HNF4A: variants seen among roughly 807,000 people sequenced by gnomAD.
HNF4A encodes the protein hepatocyte nuclear factor 4 alpha.
In HNF4A, 15 loss-of-function variants were observed where a neutral mutation model predicts 52.4. That is an observed-to-expected ratio of 0.29 (90% CI 0.19 to 0.44). The LOEUF is 0.44. Ranked by LOEUF, HNF4A falls within the 20% of genes least tolerant of loss-of-function variation. HNF4A has a pLI of 1.00. For synonymous variants in HNF4A, 280 were observed against 264.4 expected (o/e 1.06, Z -0.57); for missense variants, 479 against 647.2 (o/e 0.74, Z 2.82).
upstream of HNF4A, chr20:44,401,115 A>G: frequency 1.4e-6 from 1 of 737,508 alleles, no homozygotes; most frequent in East Asian, 1.3e-4. Flanking sequence ...GAAACCAACA[A>G]ACAGCCAAAT....
intron 1 of HNF4A, 78 bp downstream of exon 1, chr20:44,355,931 GT>G: frequency 7.9e-7 from 1 of 1,267,204 alleles, no homozygotes; most frequent in Non-Finnish European, 1.1e-6. Context: ...CTCCCCGTGT[GT>G]TTCTTACGGG....
chr20:44,358,790 G>T (rs2062887157), intron 1 of HNF4A, among the ~76,000 whole-genome samples: 1 of 152,168 alleles, frequency 6.6e-6, no homozygotes, highest in Non-Finnish European at 1.5e-5. Context: ...TGGCTGTTGT[G>T]AGGATCAAAT....
chr20:44,366,587 C>G, intron 1 of HNF4A, among the ~76,000 whole-genome samples: 1 of 152,104 alleles, frequency 6.6e-6, no homozygotes, highest in Non-Finnish European at 1.5e-5. Flanking sequence ...CGCCACTGTA[C>G]TCCAACCTGG....
At chr20:44,385,991 C>G (rs2063217842) in intron 1 of HNF4A, among the ~76,000 whole-genome samples, 1 of 151,260 alleles carries the variant, frequency 6.6e-6, no homozygotes, top group South Asian at 2.1e-4. Context: ...TCCCGAGTAG[C>G]TGGGATTACA....
At chr20:44,402,098 G>C (rs1209611481) in intron 1 of HNF4A, among the ~76,000 whole-genome samples, 3 of 152,074 alleles carry the variant, frequency 2.0e-5, no homozygotes, top group Non-Finnish European at 4.4e-5. Flanking sequence ...TATGGGTGGG[G>C]TGATGCCTTC....
intron 5 of HNF4A, among the ~76,000 whole-genome samples, chr20:44,417,402 G>T (rs1009263202): frequency 6.6e-6 from 1 of 152,160 alleles, no homozygotes; most frequent in Non-Finnish European, 1.5e-5. Context: ...CCCCTGCAGA[G>T]AATGGTTTCA....
intron 3 of HNF4A, among the ~76,000 whole-genome samples, chr20:44,410,660 G>A (rs1568727377): frequency 6.6e-6 from 1 of 152,074 alleles, no homozygotes; most frequent in Admixed American, 6.5e-5. Flanking sequence ...AGTGTGAGCT[G>A]GAAAGGTAGG....
chr20:44,395,783 C>T (rs2063347428), intron 1 of HNF4A: 1 of 152,274 alleles, frequency 6.6e-6, no homozygotes, highest in South Asian at 2.1e-4. Flanking sequence ...AGAGATGGCT[C>T]TTGGCTTCTT....
intron 7 of HNF4A, 82 bp from the exon 8 acceptor site, chr20:44,423,936 T>C: frequency 7.4e-7 from 1 of 1,346,822 alleles, no homozygotes; most frequent in Non-Finnish European, 1.0e-6. Context: ...GTGATACAAG[T>C]CAGGGGACAT....
At chr20:44,380,205 C>T (rs2063137568) in intron 1 of HNF4A, among the ~76,000 whole-genome samples, 1 of 152,212 alleles carries the variant, frequency 6.6e-6, no homozygotes, top group Admixed American at 6.5e-5. Context: ...ATTTGCACTT[C>T]CCTAATGATT....
chr20:44,400,726 G>C (rs1568715507), upstream of HNF4A, among the ~76,000 whole-genome samples: 4 of 152,288 alleles, frequency 2.6e-5, no homozygotes, highest in South Asian at 6.2e-4. Context: ...AGTCCATTCT[G>C]CTCCCAGGGG....
chr20:44,432,663 G>C lies in HNF4A; in HGVS notation c.*2998G>C, dbSNP rs568592149. On this transcript the variant is annotated 3_prime_UTR_variant, in exon 10 of 10. Coordinates refer to ENST00000316099, the MANE Select transcript of HNF4A (RefSeq NM_000457.6). ...ATTTACATCAAGCAATTATCAAAGC[G>C]GGCTGGGTCCCATCAGAACGACCCA... 1 of 152,030 alleles carries C rather than the reference G, an allele frequency of 6.6e-6. No homozygotes were observed. The highest frequency in any genetic ancestry group is 1.5e-5 in the Non-Finnish European group (1 of 68,024). 9.4% of individuals were successfully genotyped at this position (152,030 alleles called of 1,614,324 possible). A position where few individuals can be genotyped will look rare whatever the true frequency, so the allele number is the denominator to read the frequency against.
Position 44,368,160 on chromosome 20 carries a change from A to ATTTTT in HNF4A, c.49+12327_49+12331dup, listed in dbSNP as rs1181828023. Among the ~76,000 whole-genome samples the ATTTTT allele has an allele frequency of 5.8e-4, 16 of 27,780 alleles. 2 individuals are homozygous for ATTTTT. The highest frequency in any genetic ancestry group is 9.6e-4 in the Non-Finnish European group (16 of 16,752). The allele number at this position is 27,780 out of a possible 152,430, so 18.2% of individuals were successfully genotyped here. A position where few individuals can be genotyped will look rare whatever the true frequency, so the allele number is the denominator to read the frequency against. ...TATATACATATATATATATATATAT[A>ATTTTT]TTTTTTTTTTTTTTTTTTTTTTTTG... On this transcript the variant is annotated intron_variant, in intron 1 of 9. Coordinates refer to the HNF4A transcript ENST00000316673.
chr20:44,406,303 C>G, intron 2 of HNF4A, 71 bp downstream of exon 2: 2 of 1,410,674 alleles, frequency 1.4e-6, no homozygotes, highest in Non-Finnish European at 2.0e-6. Flanking sequence ...TCTGTCTTCT[C>G]CCTGAGTGGG....
Position 44,429,943 on chromosome 20 carries a change from C to G in HNF4A, c.*278C>G. 1 of 475,924 alleles carries G rather than the reference C, an allele frequency of 2.1e-6. No individual in the cohort carries two copies. Among genetic ancestry groups the G allele is most frequent in the South Asian group, 2.7e-5 (1 of 36,574 alleles). 29.5% of individuals were successfully genotyped at this position (475,924 alleles called of 1,614,324 possible). On this transcript the variant is annotated 3_prime_UTR_variant, in exon 10 of 10. Transcript: ENST00000316099. ...CCACTGCCTTCACCTTCACCTTCAT[C>G]CATGTCCAACCCCCGACTTCATCCC... is the stretch of plus-strand genomic sequence containing the variant.
Position 44,424,061 on chromosome 20 carries a change from T to C in HNF4A, c.936T>C (p.Arg312=), listed in dbSNP as rs539311311. Residue 312 remains arginine, a synonymous_variant, in exon 8 of 10, where the codon CGT becomes CGC. Transcript: ENST00000316099. ...ATCCAGGGAAGATCAAGCGGCTGCG[T>C]TCCCAGGTGCAGGTGAGCTTGGAGG... 2 of 1,613,302 alleles carry C rather than the reference T, an allele frequency of 1.2e-6. No individual in the cohort carries two copies. The highest frequency in any genetic ancestry group is 2.2e-5 in the East Asian group (1 of 44,872).
intron 1 of HNF4A, among the ~76,000 whole-genome samples, chr20:44,358,681 A>T (rs1414743455): frequency 6.6e-6 from 1 of 152,184 alleles, no homozygotes; most frequent in Non-Finnish European, 1.5e-5. Flanking sequence ...TCTAATGGGG[A>T]TAACATTAAT....
chr20:44,385,289 T>C (rs1296132124), intron 1 of HNF4A, among the ~76,000 whole-genome samples: 1 of 151,358 alleles, frequency 6.6e-6, no homozygotes, highest in African/African-American at 2.4e-5. Context: ...CAAAGTGCGG[T>C]CTGAGGGCAC....
intron 9 of HNF4A, among the ~76,000 whole-genome samples, 159 bp downstream of exon 9, chr20:44,428,646 T>C (rs2063840974): frequency 6.6e-6 from 1 of 152,210 alleles, no homozygotes; most frequent in African/African-American, 2.4e-5. Context: ...GTTGAGGCTG[T>C]TTATTCAGTA....
Sources: allele counts gnomAD v4.1 joint callset (sites outside exome capture counted in the v4.1 genomes callset), GRCh38; gene constraint gnomAD v4.1.1; transcripts MANE v1.5; gene names NCBI Gene and HGNC (gene_info 2026-07-23, HGNC 2026-07-21).